SGCZ: variants seen among roughly 807,000 people sequenced by gnomAD.
The protein encoded by SGCZ is sarcoglycan zeta, also known as zeta-sarcoglycan.
In SGCZ, 40 loss-of-function variants were observed where a neutral mutation model predicts 41.3. The ratio of observed to expected loss-of-function variants is 0.97; its 90% CI spans 0.75 to 1.26. The LOEUF is 1.26. SGCZ is among the 50% of genes most tolerant of loss of function. The pLI is 0.00. For synonymous variants in SGCZ, 206 were observed against 137.5 expected, an observed-to-expected ratio of 1.50 and a Z score of -3.49; for missense variants, 552 against 369.8, an observed-to-expected ratio of 1.49 and a Z score of -4.04.
At chr8:14,529,846 A>G (rs1176235905) in intron 2 of SGCZ, among the ~76,000 whole-genome samples, 2 of 152,106 alleles carry the variant, frequency 1.3e-5, no homozygotes, top group East Asian at 3.9e-4. Context: ...AGATAATAAA[A>G]TTTAAATATA....
chr8:14,373,989 A>T (rs899149924), intron 2 of SGCZ, among the ~76,000 whole-genome samples: 1 of 146,308 alleles, frequency 6.8e-6, no homozygotes, highest in Non-Finnish European at 1.5e-5. Flanking sequence ...AAATAAAAAT[A>T]AAAAAATACA....
intron 4 of SGCZ, among the ~76,000 whole-genome samples, chr8:14,217,877 C>G (rs1039015115): frequency 6.6e-6 from 1 of 151,902 alleles, no homozygotes; most frequent in East Asian, 1.9e-4. Context: ...GTGATCCACC[C>G]GCCTCAGCCT....
At chr8:14,948,144 C>A (rs1800514277) in intron 1 of SGCZ, among the ~76,000 whole-genome samples, 1 of 152,084 alleles carries the variant, frequency 6.6e-6, no homozygotes, top group Non-Finnish European at 1.5e-5. Context: ...AGTATTTATT[C>A]TCTTACTAAG....
At chr8:14,510,333 A>C (rs1181482391) in intron 2 of SGCZ, among the ~76,000 whole-genome samples, 1 of 152,126 alleles carries the variant, frequency 6.6e-6, no homozygotes, top group Non-Finnish European at 1.5e-5. Context: ...ATAGGTTCTC[A>C]CATTCCACCT....
intron 1 of SGCZ, among the ~76,000 whole-genome samples, chr8:15,090,037 G>C (rs1361349048): frequency 6.6e-6 from 1 of 152,126 alleles, no homozygotes; most frequent in African/African-American, 2.4e-5. Flanking sequence ...TGAAACTTTT[G>C]ATATTACCTT....
chr8:14,690,810 T>G (rs1371440627), intron 1 of SGCZ, among the ~76,000 whole-genome samples: 1 of 152,206 alleles, frequency 6.6e-6, no homozygotes. Context: ...GTGTATTTGC[T>G]ACTTTAGAAA....
chr8:14,419,112 G>C (rs906692696), intron 2 of SGCZ, among the ~76,000 whole-genome samples: 1 of 151,318 alleles, frequency 6.6e-6, no homozygotes, highest in African/African-American at 2.4e-5. Context: ...TTAACATTTG[G>C]GAAAAGTATA....
intron 2 of SGCZ, among the ~76,000 whole-genome samples, chr8:14,422,850 G>C (rs977660586): frequency 1.3e-5 from 2 of 152,092 alleles, no homozygotes; most frequent in South Asian, 2.1e-4. Flanking sequence ...AAAATAATGA[G>C]ACCTCGTCTT....
At chr8:15,114,444 G>A (rs1279935679) in intron 1 of SGCZ, among the ~76,000 whole-genome samples, 1 of 152,102 alleles carries the variant, frequency 6.6e-6, no homozygotes, top group Admixed American at 6.5e-5. Flanking sequence ...AATGTATAAG[G>A]CATTCTCTCT....
intron 1 of SGCZ, among the ~76,000 whole-genome samples, chr8:14,621,713 C>T (rs1806292059): frequency 6.7e-6 from 1 of 148,614 alleles, no homozygotes; most frequent in Non-Finnish European, 1.5e-5. Context: ...ATCTCTTAAA[C>T]ACTCAGTCAG....
intron 1 of SGCZ, among the ~76,000 whole-genome samples, chr8:15,099,549 A>T (rs1349009565): frequency 1.3e-5 from 2 of 152,226 alleles, no homozygotes; most frequent in African/African-American, 4.8e-5. Context: ...AAATGATACC[A>T]ATTCACTACC....
At chr8:14,201,401 T>G (rs1049423692) in intron 4 of SGCZ, among the ~76,000 whole-genome samples, 7 of 152,230 alleles carry the variant, frequency 4.6e-5, no homozygotes, top group Admixed American at 1.3e-4. Flanking sequence ...TTCAAATGGA[T>G]AGAGAAACTG....
chr8:14,215,413 A>G (rs1361736779), intron 4 of SGCZ, among the ~76,000 whole-genome samples: 2 of 152,168 alleles, frequency 1.3e-5, no homozygotes, highest in Admixed American at 6.5e-5. Flanking sequence ...GCCCTAGCAA[A>G]GAGGAGAGTA....
intron 1 of SGCZ, among the ~76,000 whole-genome samples, chr8:15,022,947 G>T (rs1174163396): frequency 6.6e-6 from 1 of 152,144 alleles, no homozygotes; most frequent in Non-Finnish European, 1.5e-5. Flanking sequence ...CCGACAGTAA[G>T]CCTTGGACCC....
At chr8:14,135,862 G>C (rs1264291472) in intron 5 of SGCZ, among the ~76,000 whole-genome samples, 2 of 151,824 alleles carry the variant, frequency 1.3e-5, no homozygotes, top group Admixed American at 6.6e-5. Context: ...CAGTATTAAA[G>C]CCAAAATACT....
chr8:14,751,001 C>T (rs972017), intron 1 of SGCZ, among the ~76,000 whole-genome samples: 151,728 of 152,316 alleles, frequency 1, 75,576 homozygotes, highest in Middle Eastern at 1. Context: ...CAAATGAAAA[C>T]TACATTTCTT....
chr8:14,863,143 C>T (rs924251794), intron 1 of SGCZ, among the ~76,000 whole-genome samples: 1 of 152,098 alleles, frequency 6.6e-6, no homozygotes, highest in African/African-American at 2.4e-5. Flanking sequence ...CAGGAATGGG[C>T]AGTGCAGGGC....
chr8:14,979,394 G>A (rs1329577419), intron 1 of SGCZ, among the ~76,000 whole-genome samples: 2 of 152,056 alleles, frequency 1.3e-5, no homozygotes, highest in Admixed American at 6.6e-5. Context: ...CAGGATCCAG[G>A]AAATTTGTAG....
At position 14,631,943 on chromosome 8, in the gene SGCZ, T is replaced by C. The variant is rs80071478; in HGVS notation, c.40-77017A>G. Among the ~76,000 whole-genome samples, 1,336 of 152,278 alleles carry C rather than the reference T, an allele frequency of 8.8e-3. 19 individuals are homozygous for C. The highest frequency in any genetic ancestry group is 0.03 in the African/African-American group (1,266 of 41,570). ...AACATATCTTAGTAGTAATATTTGT[T>C]GGGTACCACATAATGTTTGTTACAT... On this transcript the variant is annotated intron_variant, in intron 1 of 7. Transcript: ENST00000382080.
Sources: gnomAD v4.1 joint callset for allele counts (sites outside exome capture counted in the v4.1 genomes callset) on GRCh38, gnomAD v4.1.1 for gene constraint, MANE v1.5 for transcripts, NCBI Gene and HGNC (gene_info 2026-07-23, HGNC 2026-07-21) for gene names.